The following PROCR variants were observed in gnomAD, a reference collection of about 807,000 sequenced individuals.
The protein encoded by PROCR is protein C receptor.
PROCR carries 22 observed loss-of-function variants against 24.2 expected under a neutral mutation model. That is an observed-to-expected ratio of 0.91 (90% CI 0.65 to 1.30). PROCR has a LOEUF of 1.30. PROCR is among the 50% of genes most tolerant of loss of function. The pLI, the probability that PROCR is intolerant of heterozygous loss-of-function variation, is 0.00. For synonymous variants in PROCR, 137 were observed against 139.2 expected (o/e 0.98, Z 0.11); for missense variants, 288 against 307.7 (o/e 0.94, Z 0.48).
intron 1 of PROCR, among the ~76,000 whole-genome samples, chr20:35,184,410 T>C (rs1830400399): frequency 6.6e-6 from 1 of 152,182 alleles, no homozygotes; most frequent in South Asian, 2.1e-4. Context: ...CAACTCAAGA[T>C]GGATTGAGGA....
intron 2 of PROCR, 54 bp from the exon 3 acceptor site, chr20:35,176,114 C>A: frequency 6.3e-7 from 1 of 1,579,694 alleles, no homozygotes; most frequent in Non-Finnish European, 8.7e-7. Context: ...GGGCCTCGCC[C>A]CACACCTGGC....
chr20:35,206,795 G>A (rs2060344618), intron 1 of PROCR, among the ~76,000 whole-genome samples: 1 of 152,120 alleles, frequency 6.6e-6, no homozygotes. Flanking sequence ...TTCTTATAAA[G>A]TTAAACACAC....
At chr20:35,210,198 C>T (rs1323603521) in intron 1 of PROCR, among the ~76,000 whole-genome samples, 1 of 151,980 alleles carries the variant, frequency 6.6e-6, no homozygotes, top group Non-Finnish European at 1.5e-5. Context: ...TATACTTCTA[C>T]CTGGGCAACA....
At chr20:35,171,826 C>G (rs1460801308), upstream of PROCR, among the ~76,000 whole-genome samples, 2 of 152,086 alleles carry the variant, frequency 1.3e-5, no homozygotes, top group Non-Finnish European at 2.9e-5. Flanking sequence ...CTCACCAAGC[C>G]CTTCTCCCCC....
intron 1 of PROCR, among the ~76,000 whole-genome samples, chr20:35,192,941 G>C (rs2086186346): frequency 6.6e-6 from 1 of 152,038 alleles, no homozygotes; most frequent in Non-Finnish European, 1.5e-5. Context: ...AATATACAAC[G>C]AGAGTAGAAA....
chr20:35,192,993 A>G (rs2086186752), intron 1 of PROCR, among the ~76,000 whole-genome samples: 1 of 152,204 alleles, frequency 6.6e-6, no homozygotes, highest in African/African-American at 2.4e-5. Context: ...TGTCACAAAT[A>G]TAATATTGAT....
chr20:35,186,599 GA>G lies in PROCR; in HGVS notation c.94+10155del, dbSNP rs1396234698. 3.4e-5 allele frequency among the ~76,000 whole-genome samples: 5 copies of G among 145,298 alleles called. No homozygotes were observed. In the Admixed American group the frequency reaches 3.5e-4, roughly 10 times the overall value. ...AAAAAAAAAAAAATGATAAGTAAAA[GA>G]AGCCAGTCACAAAGAACCAGGTATT... On this transcript the variant is annotated intron_variant, in intron 1 of 1. Transcript: ENST00000634509.
At chr20:35,207,948 A>T (rs2060348461) in intron 1 of PROCR, among the ~76,000 whole-genome samples, 1 of 152,074 alleles carries the variant, frequency 6.6e-6, no homozygotes, top group Non-Finnish European at 1.5e-5. Context: ...AAGAAGGTCC[A>T]ATTCGTGTTA....
At chr20:35,174,537 C>A in intron 1 of PROCR, 165 bp from the exon 2 acceptor site, 1 of 838,646 alleles carries the variant, frequency 1.2e-6, no homozygotes, top group Non-Finnish European at 2.0e-6. Flanking sequence ...GTCCTCCTGG[C>A]AGAGTTACTG....
chr20:35,214,810 T>C (rs115207635), intron 1 of PROCR, among the ~76,000 whole-genome samples: 118 of 152,132 alleles, frequency 7.8e-4, no homozygotes, highest in African/African-American at 2.8e-3. Context: ...GGGCTGGACA[T>C]TGAGACTGAG....
intron 1 of PROCR, among the ~76,000 whole-genome samples, chr20:35,211,377 T>A (rs539870597): frequency 3.9e-5 from 6 of 152,176 alleles, no homozygotes; most frequent in Middle Eastern, 3.4e-3. Flanking sequence ...CCTCCAAAAT[T>A]TTCAGGTCCA....
At chr20:35,189,504 C>A (rs2086155719) in intron 1 of PROCR, among the ~76,000 whole-genome samples, 1 of 152,154 alleles carries the variant, frequency 6.6e-6, no homozygotes, top group Non-Finnish European at 1.5e-5. Flanking sequence ...TCGCCCTGAC[C>A]TTGTGATCTC....
intron 1 of PROCR, among the ~76,000 whole-genome samples, chr20:35,190,896 C>T (rs572065075): frequency 6.6e-5 from 10 of 152,188 alleles, no homozygotes; most frequent in South Asian, 4.1e-4. Context: ...AGTCTCGCTC[C>T]GTCGCCAGGC....
At chr20:35,207,131 G>A (rs1424898985) in intron 1 of PROCR, among the ~76,000 whole-genome samples, 1 of 152,082 alleles carries the variant, frequency 6.6e-6, no homozygotes, top group Non-Finnish European at 1.5e-5. Flanking sequence ...TGACAGTCTG[G>A]AAAAGAAAAA....
intron 1 of PROCR, among the ~76,000 whole-genome samples, chr20:35,173,034 G>T (rs562799638): frequency 6.6e-6 from 1 of 152,302 alleles, no homozygotes; most frequent in African/African-American, 2.4e-5. Flanking sequence ...TAAGGACCAT[G>T]TCTAGGGTTA....
intron 1 of PROCR, 107 bp downstream of exon 1, chr20:35,172,331 G>A: frequency 7.3e-7 from 1 of 1,374,174 alleles, no homozygotes; most frequent in Non-Finnish European, 1.0e-6. Flanking sequence ...ATCTGTGTCT[G>A]CAGCTGGCTA....
Position 35,174,790 on chromosome 20 carries a change from C to T in PROCR, c.159C>T (p.His53=), listed in dbSNP as rs1028876102. 2 of 1,614,068 alleles carry T rather than the reference C, an allele frequency of 1.2e-6. No individual in the cohort carries two copies. The highest frequency in any genetic ancestry group is 1.7e-5 in the Admixed American group (1 of 60,004). Residue 53 remains histidine, a synonymous_variant, in exon 2 of 4, where the codon CAC becomes CAT. Coordinates refer to ENST00000216968, the MANE Select transcript of PROCR (RefSeq NM_006404.5). ...AGGGCAACGCGTCGCTGGGGGGACA[C>T]CTAACGCACGTGCTGGAAGGCCCAG... ...WYQGNASLGG[H]LTHVLEGPDT...
intron 1 of PROCR, among the ~76,000 whole-genome samples, chr20:35,209,318 G>C (rs1335925339): frequency 6.6e-6 from 1 of 152,138 alleles, no homozygotes; most frequent in Non-Finnish European, 1.5e-5. Context: ...ACTAAGCAGG[G>C]GAAGCCTAGA....
chr20:35,180,106 C>T (rs911871300), downstream of PROCR, among the ~76,000 whole-genome samples: 1 of 152,008 alleles, frequency 6.6e-6, no homozygotes, highest in African/African-American at 2.4e-5. Flanking sequence ...ATTAGCCGGG[C>T]GCGGTGATGC....
Sources: gnomAD v4.1 joint callset for allele counts (sites outside exome capture counted in the v4.1 genomes callset) on GRCh38, gnomAD v4.1.1 for gene constraint, MANE v1.5 for transcripts, NCBI Gene and HGNC (gene_info 2026-07-23, HGNC 2026-07-21) for gene names.